Variants in PTPRU observed in about 807,000 individuals in gnomAD.
The protein encoded by PTPRU is receptor-type tyrosine-protein phosphatase U.
PTPRU carries 69 observed loss-of-function variants against 166.3 expected under a neutral mutation model. That is an observed-to-expected ratio of 0.41 (90% CI 0.34 to 0.51). PTPRU has a LOEUF of 0.51. Among genes scored for constraint, PTPRU ranks in the 20% least tolerant of loss-of-function variants. The probability of loss-of-function intolerance (pLI) is 0.09; values close to 1 mark genes in which losing one functional copy is unlikely to be tolerated. For missense variants in PTPRU, 1,657 were observed against 2,013.7 expected, an observed-to-expected ratio of 0.82 and a Z score of 3.39; for synonymous variants, 793 against 814.0, an observed-to-expected ratio of 0.97 and a Z score of 0.44.
At position 29,311,158 on chromosome 1, in the gene PTPRU, AC is replaced by A. The variant is rs1687638499; in HGVS notation, c.2858-297del. 6.6e-6 allele frequency among the ~76,000 whole-genome samples: 1 copy of A among 151,790 alleles called. No individual in the cohort carries two copies. Among genetic ancestry groups the A allele is most frequent in the African/African-American group, 2.4e-5 (1 of 41,306 alleles). On this transcript the variant is annotated intron_variant, in intron 19 of 29. Transcript: ENST00000373779. This position sits in a 1 kb window ranked among gnomAD's most constrained non-coding sequence, Gnocchi z 4.1. ...TCTTCTGTTTGCATCCCTTTCCACG[AC>A]TGTCCATCTGTCTGTCCCTCCTGGA...
rs770155445 is a variant in PTPRU at position 29,325,611 on chromosome 1, T to G, written c.4261T>G (p.Phe1421Val). 6.2e-7 allele frequency: 1 copy of G among 1,612,944 alleles called. No homozygotes were observed. The highest frequency in any genetic ancestry group is 1.3e-5 in the African/African-American group (1 of 75,008). ...TTCCTCTCCCCAGGATCAGTACCACTTTTGCTACGATGTGGCCCTGGAGTA... is the reference window on the plus strand; with the variant it reads ...TTCCTCTCCCCAGGATCAGTACCACGTTTGCTACGATGTGGCCCTGGAGTA... ...NMVETMDQYH[F>V]CYDVALEYLE... The change falls in exon 30 of 30, where the codon TTT becomes GTT. Residue 1421 changes from phenylalanine (F) to valine (V), a missense_variant. Phe to Val is a conservative substitution (Grantham distance 50, BLOSUM62 -1). This residue lies in a region of PTPRU where 1,190 missense variants were observed against 1,477.4 expected (regional missense o/e 0.81). Coordinates refer to ENST00000373779, the MANE Select transcript of PTPRU (RefSeq NM_133178.4).
chr1:29,321,196 ATTTT>A (rs71025210), intron 26 of PTPRU, among the ~76,000 whole-genome samples: 1 of 100,380 alleles, frequency 1.0e-5, no homozygotes, highest in Non-Finnish European at 2.0e-5. Context: ...CAGCTGTCTG[ATTTT>A]TTTTTTTTTT....
At chr1:29,288,686 C>G (rs926442635) in intron 14 of PTPRU, among the ~76,000 whole-genome samples, 1 of 152,026 alleles carries the variant, frequency 6.6e-6, no homozygotes, top group Non-Finnish European at 1.5e-5. Context: ...CTTTGGGGTC[C>G]CTGCTGACAG....
At chr1:29,241,228 C>G (rs2151937818) in intron 1 of PTPRU, among the ~76,000 whole-genome samples, 1 of 152,192 alleles carries the variant, frequency 6.6e-6, no homozygotes, top group East Asian at 1.9e-4. Flanking sequence ...GGGTGCAGAG[C>G]TATTTGGATG....
chr1:29,300,631 T>C (rs1465300054), intron 15 of PTPRU, among the ~76,000 whole-genome samples: 1 of 152,224 alleles, frequency 6.6e-6, no homozygotes, highest in Non-Finnish European at 1.5e-5. Context: ...GCATAACTGG[T>C]ACTTGATTTG....
At chr1:29,304,181 T>G (rs1687276046) in intron 16 of PTPRU, 136 bp downstream of exon 16, 1 of 1,038,916 alleles carries the variant, frequency 9.6e-7, no homozygotes, top group Admixed American at 2.9e-5. Flanking sequence ...ACTCAACCTT[T>G]TTGACCTCGA....
rs573414424 is a variant in PTPRU, at chr1:29,315,704, G to T, written c.3363+197G>T. On this transcript the variant is annotated intron_variant, in intron 23 of 29. Coordinates refer to ENST00000373779, the MANE Select transcript of PTPRU (RefSeq NM_133178.4). This position sits in a 1 kb window ranked among gnomAD's most constrained non-coding sequence, Gnocchi z 4.5. Reference sequence around the variant, plus strand: ...CCCTGTGTTCTGTTGGGTGGGGTCAGACAACCGGTCCTGTAGCTGACATAC... The same window carrying T: ...CCCTGTGTTCTGTTGGGTGGGGTCATACAACCGGTCCTGTAGCTGACATAC... Among the ~76,000 whole-genome samples, 3 of 152,342 alleles carry T rather than the reference G, an allele frequency of 2.0e-5. No individual in the cohort carries two copies. The highest frequency in any genetic ancestry group is 7.2e-5 in the African/African-American group (3 of 41,572).
chr1:29,315,346 C>T lies in PTPRU; in HGVS notation c.3228-26C>T. ...CGGGCTTCCTCCCCAAAGCTCTGAC[C>T]TGGTCTGGGGCTGCTCTCTCTCCAG... On this transcript the variant is annotated intron_variant, in intron 22 of 29. Coordinates refer to ENST00000373779, the MANE Select transcript of PTPRU (RefSeq NM_133178.4). The surrounding 1 kb of genome is among the most constrained non-coding windows in gnomAD (Gnocchi z 4.5). The T allele has an allele frequency of 6.2e-7, 1 of 1,613,798 alleles. No homozygotes were observed. Among genetic ancestry groups the T allele is most frequent in the South Asian group, 1.1e-5 (1 of 91,056 alleles).
chr1:29,283,363 C>T (rs1686187293), intron 12 of PTPRU, among the ~76,000 whole-genome samples: 2 of 151,334 alleles, frequency 1.3e-5, no homozygotes, highest in African/African-American at 4.9e-5. Flanking sequence ...AGCCAGCCCT[C>T]CTGACCCCAG....
chr1:29,255,002 G>A (rs1684711001), intron 1 of PTPRU, among the ~76,000 whole-genome samples: 1 of 152,162 alleles, frequency 6.6e-6, no homozygotes, highest in Non-Finnish European at 1.5e-5. Context: ...GTCTTTGATG[G>A]ATGACTGAGC....
At position 29,311,748 on chromosome 1, in the gene PTPRU, G is replaced by T; in HGVS notation, c.3061G>T (p.Ala1021Ser). 1 of 1,614,046 alleles carries T rather than the reference G, an allele frequency of 6.2e-7. No individual in the cohort carries two copies. Among genetic ancestry groups the T allele is most frequent in the Non-Finnish European group, 8.5e-7 (1 of 1,179,916 alleles). ...GGCTGAGTATGTCGTGCGCACTTTT[G>T]CCCTGGAGCGGGTGAGTCTCCCCAC... ...TLAEYVVRTF[A>S]LERRGYSARH... Residue 1021 changes from alanine (A) to serine (S), a missense_variant, in exon 21 of 30, where the codon GCC becomes TCC. By Grantham distance (99) the Ala-to-Ser change is moderately conservative (BLOSUM62 1). Coordinates refer to ENST00000373779, the MANE Select transcript of PTPRU (RefSeq NM_133178.4). The surrounding 1 kb of genome is among the most constrained non-coding windows in gnomAD (Gnocchi z 4.1).
Position 29,275,573 on chromosome 1 carries a change from C to T in PTPRU, c.1270C>T (p.His424Tyr), listed in dbSNP as rs1442972080. ...CHTYTVSLCYHYTLGSSHNQT... is the reference protein window; with the variant it reads ...CHTYTVSLCYYYTLGSSHNQT... The stretch of plus-strand genomic sequence containing the variant: ...CACCTATACTGTGTCGCTGTGCTAT[C>T]ACTACACCCTGGGCAGCAGCCACAA... Residue 424 changes from histidine to tyrosine, a missense_variant, in exon 8 of 30, where the codon CAC (histidine) becomes TAC (tyrosine). Coordinates refer to ENST00000373779, the MANE Select transcript of PTPRU (RefSeq NM_133178.4). 2 of 1,614,074 alleles carry T rather than the reference C, an allele frequency of 1.2e-6. No individual in the cohort carries two copies. The highest frequency in any genetic ancestry group is 1.1e-5 in the South Asian group (1 of 91,084).
chr1:29,262,653 G>A (rs1685120460), intron 7 of PTPRU, among the ~76,000 whole-genome samples: 1 of 152,180 alleles, frequency 6.6e-6, no homozygotes, highest in South Asian at 2.1e-4. Flanking sequence ...GGAACTCTCT[G>A]TGGTTTAAGG....
chr1:29,277,367 C>T (rs370909511), intron 8 of PTPRU, among the ~76,000 whole-genome samples: 21 of 152,158 alleles, frequency 1.4e-4, no homozygotes, highest in Middle Eastern at 3.4e-3. Context: ...CTGCAAAGTG[C>T]GGAGATTATA....
intron 14 of PTPRU, chr1:29,289,763 T>A: frequency 6.3e-7 from 1 of 1,592,608 alleles, no homozygotes; most frequent in Non-Finnish European, 8.6e-7. Context: ...TAGGGGGAGA[T>A]CCCCTGTCCC....
chr1:29,278,855 G>T lies in PTPRU; in HGVS notation c.1454-157G>T, dbSNP rs74776904. Among the ~76,000 whole-genome samples, 368 of 152,364 alleles carry T rather than the reference G, an allele frequency of 2.4e-3. 13 individuals carry two copies. In the East Asian group the frequency reaches 0.062, roughly 26 times the overall value. ...TCATTTGAGTCCTGGCTTGAGAGGG[G>T]TTATATCATTCCCACTTCACAGCTG... On this transcript the variant is annotated intron_variant, in intron 8 of 29. Transcript: ENST00000373779.
chr1:29,260,539 G>A lies in PTPRU; in HGVS notation c.851-71G>A, dbSNP rs1314584001. The stretch of plus-strand genomic sequence containing the variant: ...GACGGAGAGGGATTTGGGTGTGGTG[G>A]AACTCAGAGTTGGGTGCTGGGGTCT... On this transcript the variant is annotated intron_variant, in intron 6 of 29. Coordinates refer to ENST00000373779, the MANE Select transcript of PTPRU (RefSeq NM_133178.4). The surrounding 1 kb of genome is among the most constrained non-coding windows in gnomAD (Gnocchi z 8.3). The A allele has an allele frequency of 8.5e-7, 1 of 1,176,034 alleles. No homozygotes were observed. Among genetic ancestry groups the A allele is most frequent in the Non-Finnish European group, 1.2e-6 (1 of 865,022 alleles). 72.8% of individuals were successfully genotyped at this position (1,176,034 alleles called of 1,614,324 possible). A position where few individuals can be genotyped will look rare whatever the true frequency, so the allele number is the denominator to read the frequency against.
At chr1:29,248,979 C>T (rs1223409632) in intron 1 of PTPRU, among the ~76,000 whole-genome samples, 1 of 152,144 alleles carries the variant, frequency 6.6e-6, no homozygotes, top group Non-Finnish European at 1.5e-5. Context: ...CTTAGCGGTC[C>T]CCACTCTCAT....
rs759109068 is a variant in PTPRU at position 29,260,859 on chromosome 1, C to G, written c.1100C>G (p.Thr367Ser). ...VLLTRPGDGG[T>S]GRPGPPLISR... ...CTCACGCGTCCCGGAGACGGCGGCA[C>G]TGGCCGCCCTGGGCCACCCCTCATC... The change falls in exon 7 of 30, where the codon ACT becomes AGT. Residue 367 changes from threonine (T) to serine (S), a missense_variant. Around this residue, in one of 3 missense-constraint regions of PTPRU, gnomAD observed 1,190 missense variants for 1,477.4 expected, o/e 0.81. Transcript: ENST00000373779. This position sits in a 1 kb window ranked among gnomAD's most constrained non-coding sequence, Gnocchi z 8.3. 6.2e-7 allele frequency: 1 copy of G among 1,601,484 alleles called. No individual in the cohort carries two copies. The highest frequency in any genetic ancestry group is 8.5e-7 in the Non-Finnish European group (1 of 1,175,742).
Sources: allele counts gnomAD v4.1 joint callset (sites outside exome capture counted in the v4.1 genomes callset), GRCh38; gene constraint gnomAD v4.1.1; regional missense constraint gnomAD v4.1.1; non-coding constraint Gnocchi (gnomAD v3.1); transcripts MANE v1.5; gene names NCBI Gene and HGNC (gene_info 2026-07-23, HGNC 2026-07-21).